Variants in CAMTA1 observed in about 807,000 individuals in gnomAD.
CAMTA1 encodes calmodulin-binding transcription activator 1.
Under a neutral mutation model 170.9 loss-of-function variants are expected in CAMTA1, and 27 were observed. That is an observed-to-expected ratio of 0.16 (90% CI 0.12 to 0.22). CAMTA1 has a LOEUF of 0.22. Among genes scored for constraint, CAMTA1 ranks in the 10% least tolerant of loss-of-function variants. The pLI, the probability that CAMTA1 is intolerant of heterozygous loss-of-function variation, is 1.00. For synonymous variants in CAMTA1, 833 were observed against 891.5 expected, an observed-to-expected ratio of 0.93 and a Z score of 1.17; for missense variants, 1,619 against 2,217.2, an observed-to-expected ratio of 0.73 and a Z score of 5.42.
At position 7,070,118 on chromosome 1, in the gene CAMTA1, C is replaced by G. The variant is rs1199921577; in HGVS notation, c.235-21186C>G. 1.1e-4 allele frequency among the ~76,000 whole-genome samples: 17 copies of G among 152,274 alleles called. No individual in the cohort carries two copies. The East Asian group carries it at 3.3e-3, about 29-fold the overall frequency. ...ACGGGCTTTTCTGAGAGGCGGGGCC[C>G]GAAGTGTCCGGAGCCGCCAGCCTCA... On this transcript the variant is annotated intron_variant, in intron 3 of 22. Coordinates refer to ENST00000303635, the MANE Select transcript of CAMTA1 (RefSeq NM_015215.4).
At position 6,906,433 on chromosome 1, in the gene CAMTA1, C is replaced by G. The variant is rs565316831; in HGVS notation, c.234+81223C>G. On this transcript the variant is annotated intron_variant, in intron 3 of 22. Coordinates refer to ENST00000303635, the MANE Select transcript of CAMTA1 (RefSeq NM_015215.4). ...CATGGGTAGTGGCCCTTCTCCCAGC[C>G]TTAAATCAACCAAAGAAGAGGCTCT... Among the ~76,000 whole-genome samples, 3 of 152,300 alleles carry G rather than the reference C, an allele frequency of 2.0e-5. No homozygotes were observed. The East Asian group carries it at 5.8e-4, about 29-fold the overall frequency.
rs142183940 is a variant in CAMTA1, at chr1:6,977,047, C to A, written c.235-114257C>A. 1.4e-3 allele frequency among the ~76,000 whole-genome samples: 217 copies of A among 152,308 alleles called. 4 individuals are homozygous for A. The East Asian group carries it at 0.024, about 17-fold the overall frequency. On this transcript the variant is annotated intron_variant, in intron 3 of 22. Transcript: ENST00000303635. Reference sequence around the variant, plus strand: ...CCTAGCCATGTGGAACTGTGAGTCCCTTAAACCTCTTTCCTTTATAAATTA... The same window carrying A: ...CCTAGCCATGTGGAACTGTGAGTCCATTAAACCTCTTTCCTTTATAAATTA...
At position 7,641,869 on chromosome 1, in the gene CAMTA1, A is replaced by T. The variant is rs904615197; in HGVS notation, c.664+1316A>T. On this transcript the variant is annotated intron_variant, in intron 7 of 22. Transcript: ENST00000303635. The surrounding 1 kb of genome is among the most constrained non-coding windows in gnomAD (Gnocchi z 4.5). ...CCTTCTTAACTGCAGCCCTGACCACATCCCTCTCTGCTTAAAACCACTCAA... is the reference window on the plus strand; with the variant it reads ...CCTTCTTAACTGCAGCCCTGACCACTTCCCTCTCTGCTTAAAACCACTCAA... 3.9e-5 allele frequency among the ~76,000 whole-genome samples: 6 copies of T among 152,014 alleles called. No individual in the cohort carries two copies. The South Asian group carries it at 1.2e-3, about 31-fold the overall frequency.
At chr1:7,654,846 C>T (rs2095872963) in intron 7 of CAMTA1, among the ~76,000 whole-genome samples, 1 of 142,590 alleles carries the variant, frequency 7.0e-6, no homozygotes, top group African/African-American at 2.6e-5. Flanking sequence ...ACGAACACAC[C>T]CACCTGTACA....
chr1:6,944,052 C>A (rs1482053410), intron 3 of CAMTA1, among the ~76,000 whole-genome samples: 1 of 152,078 alleles, frequency 6.6e-6, no homozygotes, highest in Non-Finnish European at 1.5e-5. Context: ...GCCGCTGGCA[C>A]CCCTGCATTT....
intron 5 of CAMTA1, among the ~76,000 whole-genome samples, chr1:7,262,978 C>T (rs918222319): frequency 6.6e-5 from 10 of 152,160 alleles, no homozygotes; most frequent in East Asian, 3.9e-4. Context: ...TCCTGGAAGG[C>T]GGTTGGTTAA....
At chr1:7,370,346 A>C (rs1176436138) in intron 5 of CAMTA1, 4 of 152,256 alleles carry the variant, frequency 2.6e-5, no homozygotes, top group Non-Finnish European at 5.9e-5. Flanking sequence ...TAGAAAATAG[A>C]AGCAAACCCA....
chr1:6,895,613 G>T (rs1246181840), intron 3 of CAMTA1, among the ~76,000 whole-genome samples: 1 of 152,218 alleles, frequency 6.6e-6, no homozygotes, highest in Admixed American at 6.5e-5. Context: ...TTCCTACCAG[G>T]TGCCTCTTCC....
intron 6 of CAMTA1, among the ~76,000 whole-genome samples, chr1:7,638,247 T>C (rs2095730686): frequency 6.6e-6 from 1 of 152,162 alleles, no homozygotes; most frequent in Non-Finnish European, 1.5e-5. Flanking sequence ...CTTTCCTCTA[T>C]CAGGAGGAAA....
chr1:6,937,362 T>C (rs1685530635), intron 3 of CAMTA1, among the ~76,000 whole-genome samples: 1 of 149,802 alleles, frequency 6.7e-6, no homozygotes, highest in African/African-American at 2.5e-5. Flanking sequence ...GTCATCACCA[T>C]CACCATCACC....
At chr1:7,632,309 C>T (rs891236041) in intron 6 of CAMTA1, among the ~76,000 whole-genome samples, 6 of 152,264 alleles carry the variant, frequency 3.9e-5, no homozygotes, top group African/African-American at 7.2e-5. Flanking sequence ...CCGCCCCCCG[C>T]GCCCCCAGCG....
Position 7,289,618 on chromosome 1 carries a change from G to A in CAMTA1, c.438+39992G>A, listed in dbSNP as rs867084167. ...GAATGTGACCTTCTTTGGAAATAAAGGCTTTGCAGATCTAATTAATCATAT... is the reference window on the plus strand; with the variant it reads ...GAATGTGACCTTCTTTGGAAATAAAAGCTTTGCAGATCTAATTAATCATAT... On this transcript the variant is annotated intron_variant, in intron 5 of 22. Transcript: ENST00000303635. 2.0e-5 allele frequency among the ~76,000 whole-genome samples: 3 copies of A among 152,318 alleles called. No homozygotes were observed. The South Asian group carries it at 6.2e-4, about 32-fold the overall frequency.
At chr1:7,040,043 T>A (rs1357811104) in intron 3 of CAMTA1, among the ~76,000 whole-genome samples, 1 of 152,136 alleles carries the variant, frequency 6.6e-6, no homozygotes, top group Non-Finnish European at 1.5e-5. Context: ...GCTTGGATAC[T>A]TCAATCTTCT....
intron 1 of CAMTA1, among the ~76,000 whole-genome samples, chr1:6,810,375 G>A (rs1253841594): frequency 6.6e-6 from 1 of 152,200 alleles, no homozygotes; most frequent in Non-Finnish European, 1.5e-5. Flanking sequence ...CAACACCATA[G>A]CTTGCTTCAT....
chr1:7,746,720 C>T (rs2096859562), intron 18 of CAMTA1, among the ~76,000 whole-genome samples: 1 of 152,202 alleles, frequency 6.6e-6, no homozygotes, highest in Non-Finnish European at 1.5e-5. Context: ...TCACTGCAAC[C>T]TCCACCTCCC....
chr1:7,707,245 C>T (rs867410356), intron 11 of CAMTA1, among the ~76,000 whole-genome samples: 4 of 152,162 alleles, frequency 2.6e-5, no homozygotes, highest in African/African-American at 4.8e-5. Context: ...GCTGTCACTG[C>T]TGCAGTGTAT....
intron 5 of CAMTA1, among the ~76,000 whole-genome samples, chr1:7,276,802 A>T (rs1325233231): frequency 6.6e-6 from 1 of 152,224 alleles, no homozygotes; most frequent in Admixed American, 6.5e-5. Context: ...AGACAACATG[A>T]TCATGTGCAT....
chr1:6,981,982 A>G (rs534202465), intron 3 of CAMTA1, among the ~76,000 whole-genome samples: 3 of 152,348 alleles, frequency 2.0e-5, no homozygotes, highest in Non-Finnish European at 2.9e-5. Flanking sequence ...CTCCTGCCTC[A>G]GCCTCCCAAA....
intron 7 of CAMTA1, among the ~76,000 whole-genome samples, chr1:7,643,735 G>C (rs763209977): frequency 1.3e-5 from 2 of 152,256 alleles, no homozygotes; most frequent in Non-Finnish European, 2.9e-5. Context: ...GGTGTCTTGG[G>C]CTGGGGGAAG....
Sources: gnomAD v4.1 joint callset for allele counts (sites outside exome capture counted in the v4.1 genomes callset) on GRCh38, gnomAD v4.1.1 for gene constraint, Gnocchi (gnomAD v3.1) non-coding constraint, MANE v1.5 for transcripts, NCBI Gene and HGNC (gene_info 2026-07-23, HGNC 2026-07-21) for gene names.